The following RSPH14 variants were observed in gnomAD, a reference collection of about 807,000 sequenced individuals.
The protein encoded by RSPH14 is radial spoke head 14 homolog.
In RSPH14, 20 loss-of-function variants were observed where a neutral mutation model predicts 26.7. The ratio of observed to expected loss-of-function variants is 0.75; its 90% CI spans 0.53 to 1.09. RSPH14 has a LOEUF of 1.09. RSPH14 is among the 50% of genes least tolerant of loss of function. RSPH14 has a pLI of 0.00. For synonymous variants in RSPH14, 177 were observed against 189.3 expected (o/e 0.93, Z 0.53); for missense variants, 449 against 457.2 (o/e 0.98, Z 0.16).
At chr22:23,061,685 GTT>G (rs371909389) in intron 6 of RSPH14, 122 bp downstream of exon 6, 1,685 of 982,410 alleles carry the variant, frequency 1.7e-3, no homozygotes, top group Non-Finnish European at 2.0e-3. Flanking sequence ...CCAAGGGGAG[GTT>G]TTTTTTTTTT....
At chr22:23,136,523 C>G (rs2070488046) in intron 3 of RSPH14, among the ~76,000 whole-genome samples, 2 of 138,564 alleles carry the variant, frequency 1.4e-5, no homozygotes, top group Admixed American at 1.5e-4. Context: ...CAGGGATGGT[C>G]ACTTCACCAT....
At chr22:23,154,367 C>CT in the RSPH14 span, among the ~76,000 whole-genome samples, 1 of 152,246 alleles carries the variant, frequency 6.6e-6, no homozygotes, top group East Asian at 1.9e-4. Context: ...GTTCCTAACT[C>CT]TGTCGAGATA....
chr22:23,113,974 C>A (rs185359041), intron 4 of RSPH14, among the ~76,000 whole-genome samples: 50 of 152,354 alleles, frequency 3.3e-4, no homozygotes, highest in South Asian at 2.9e-3. Flanking sequence ...GGCAGCCCCA[C>A]CAAGGTGTCC....
chr22:23,154,228 A>G, the RSPH14 span, among the ~76,000 whole-genome samples: 3 of 151,730 alleles, frequency 2.0e-5, no homozygotes, highest in African/African-American at 4.8e-5. Context: ...GCTCCCCTAC[A>G]TGGCTAGCCC....
chr22:23,099,312 G>A (rs1190890522), intron 4 of RSPH14, among the ~76,000 whole-genome samples: 1 of 152,264 alleles, frequency 6.6e-6, no homozygotes, highest in African/African-American at 2.4e-5. Flanking sequence ...CACATGGGGA[G>A]CCACGCCCCT....
At chr22:23,162,782 G>C in the RSPH14 span, 1 of 456,060 alleles carries the variant, frequency 2.2e-6, no homozygotes, top group Admixed American at 2.3e-5. Context: ...CTCTCCTAGG[G>C]CCTGGCACAC....
intron 4 of RSPH14, among the ~76,000 whole-genome samples, chr22:23,089,052 G>A (rs537349394): frequency 2.6e-5 from 4 of 152,154 alleles, no homozygotes; most frequent in African/African-American, 9.7e-5. Flanking sequence ...TCTTTCCGTC[G>A]CCCAAGCTCA....
intron 6 of RSPH14, 27 bp from the exon 7 acceptor site, chr22:23,059,745 C>CA: frequency 6.7e-7 from 1 of 1,501,332 alleles, no homozygotes; most frequent in East Asian, 2.3e-5. Flanking sequence ...CAAGGCGTTC[C>CA]AAACAGCCCA....
chr22:23,064,212 G>A, intron 4 of RSPH14, 79 bp from the exon 5 acceptor site: 1 of 1,348,878 alleles, frequency 7.4e-7, no homozygotes, highest in Non-Finnish European at 1.0e-6. Flanking sequence ...CAGGGCTCAA[G>A]GAGGGTCTTG....
intron 4 of RSPH14, among the ~76,000 whole-genome samples, chr22:23,129,408 G>T (rs905078999): frequency 6.6e-6 from 1 of 152,146 alleles, no homozygotes; most frequent in African/African-American, 2.4e-5. Context: ...GAGCTTGTCA[G>T]TACCACAGCC....
chr22:23,153,682 C>CCACTT, the RSPH14 span: 1 of 692,502 alleles, frequency 1.4e-6, no homozygotes, highest in African/African-American at 2.0e-5. Context: ...CACTTTCCTT[C>CCACTT]CACTTCTGTC....
chr22:23,162,416 A>G, the RSPH14 span: 1 of 350,808 alleles, frequency 2.9e-6, no homozygotes, highest in South Asian at 2.1e-5. Context: ...TCTGGCACTC[A>G]TGCTGGGCCT....
chr22:23,127,958 G>A (rs927915548), intron 4 of RSPH14, among the ~76,000 whole-genome samples: 6 of 152,104 alleles, frequency 3.9e-5, no homozygotes, highest in Non-Finnish European at 5.9e-5. Flanking sequence ...CGGGCTGGGA[G>A]GGTCATCCAT....
chr22:23,106,529 C>T (rs537401741), intron 4 of RSPH14, among the ~76,000 whole-genome samples: 11 of 152,334 alleles, frequency 7.2e-5, no homozygotes, highest in African/African-American at 2.4e-4. Flanking sequence ...TCTGGACTGC[C>T]CAGGTGAAGA....
At chr22:23,161,266 G>A in the RSPH14 span, among the ~76,000 whole-genome samples, 1 of 152,090 alleles carries the variant, frequency 6.6e-6, no homozygotes, top group African/African-American at 2.4e-5. Context: ...CCCAGGCTGG[G>A]CGTCCCAGGC....
intron 4 of RSPH14, chr22:23,123,328 C>T: frequency 6.2e-7 from 1 of 1,613,954 alleles, no homozygotes; most frequent in Non-Finnish European, 8.5e-7. Flanking sequence ...GAGATCTACT[C>T]CCACTTCACC....
chr22:23,140,373 G>A lies in RSPH14; in HGVS notation c.48C>T (p.Ala16=), dbSNP rs1345026752. ...NSLELPININ[A]TQITTAYGHR... Reference sequence around the variant, plus strand: ...GGCCATAGGCAGTGGTAATCTGGGTGGCATTGATGTTAATGGGAAGCTCCA... The same window carrying A: ...GGCCATAGGCAGTGGTAATCTGGGTAGCATTGATGTTAATGGGAAGCTCCA... The change falls in exon 2 of 7, where the codon GCC becomes GCT. Residue 16 remains alanine, a synonymous_variant. Transcript: ENST00000216036. The A allele has an allele frequency of 1.2e-6, 2 of 1,614,200 alleles. No individual in the cohort carries two copies. The highest frequency in any genetic ancestry group is 2.2e-5 in the South Asian group (2 of 91,086).
chr22:23,126,981 T>C lies in RSPH14; in HGVS notation c.421+7045A>G, dbSNP rs74646165. Among the ~76,000 whole-genome samples the C allele has an allele frequency of 3.0e-3, 461 of 152,328 alleles. 2 individuals are homozygous for C. The highest frequency in any genetic ancestry group is 0.011 in the African/African-American group (443 of 41,570). On this transcript the variant is annotated intron_variant, in intron 4 of 6. Coordinates refer to ENST00000216036, the MANE Select transcript of RSPH14 (RefSeq NM_014433.3). The stretch of plus-strand genomic sequence containing the variant: ...GGGGCACACTCATGGGAGGCCAAGA[T>C]GCTTGATTCCATTCTACAGAAGTGG...
At chr22:23,150,644 A>G in the RSPH14 span, among the ~76,000 whole-genome samples, 4 of 152,196 alleles carry the variant, frequency 2.6e-5, no homozygotes, top group African/African-American at 9.6e-5. Flanking sequence ...CACACCTGCC[A>G]TATGGAACAA....
Sources: gnomAD v4.1 joint callset for allele counts (sites outside exome capture counted in the v4.1 genomes callset) on GRCh38, gnomAD v4.1.1 for gene constraint, MANE v1.5 for transcripts, NCBI Gene and HGNC (gene_info 2026-07-23, HGNC 2026-07-21) for gene names.